RABGGTA: variants seen among roughly 807,000 people sequenced by gnomAD.
The protein encoded by RABGGTA is geranylgeranyl transferase type-2 subunit alpha.
In RABGGTA, 69 loss-of-function variants were observed where a neutral mutation model predicts 83.3. That is an observed-to-expected ratio of 0.83 (90% CI 0.68 to 1.01). The LOEUF (loss-of-function observed/expected upper bound fraction) is 1.01. Ranked by LOEUF, RABGGTA falls within the 50% of genes least tolerant of loss-of-function variation. The probability of loss-of-function intolerance (pLI) is 0.00; values close to 1 mark genes in which losing one functional copy is unlikely to be tolerated. For missense variants in RABGGTA, 681 were observed against 712.7 expected (o/e 0.96, Z 0.51); for synonymous variants, 310 against 299.8 (o/e 1.03, Z -0.35).
rs775697504 is a variant in RABGGTA at position 24,269,007 on chromosome 14, G to A, written c.716-14C>T. 2 of 1,579,790 alleles carry A rather than the reference G, an allele frequency of 1.3e-6. No individual in the cohort carries two copies. The highest frequency in any genetic ancestry group is 2.3e-5 in the East Asian group (1 of 43,542). On this transcript the variant is annotated splice_polypyrimidine_tract_variant and intron_variant, in intron 7 of 16. Transcript: ENST00000216840. ...CCTGGGGGTCAGCTGCGGGGAGACA[G>A]TGTCAGATTTCTTTAAACCCTCTCC...
At chr14:24,271,310 G>A (rs2040947968) in intron 1 of RABGGTA, 141 bp from the exon 2 acceptor site, 2 of 580,022 alleles carry the variant, frequency 3.4e-6, no homozygotes, top group Non-Finnish European at 5.5e-6. Context: ...TTCCACAAGA[G>A]GTGAGCACCC....
In RABGGTA at chr14:24,270,855, G is replaced by A. The variant is rs758803742; in HGVS notation, c.96C>T (p.Thr32=). 65 of 1,613,778 alleles carry A rather than the reference G, an allele frequency of 4.0e-5. No homozygotes were observed. The highest frequency in any genetic ancestry group is 5.3e-5 in the Non-Finnish European group (62 of 1,179,852). The change falls in exon 3 of 17, where the codon ACC becomes ACT. Residue 32 remains threonine, a synonymous_variant. Transcript: ENST00000216840. ...GCCCCACCTTCTGGAATACGGCCTG[G>A]GTGGCTGACTGGTATAGCTTCAGCT... ...EQKLKLYQSA[T]QAVFQKRQAG... is the part of the protein sequence containing the mutation.
chr14:24,267,439 A>T (rs2040887862), intron 14 of RABGGTA, among the ~76,000 whole-genome samples: 1 of 152,158 alleles, frequency 6.6e-6, no homozygotes, highest in South Asian at 2.1e-4. Context: ...GGGAAGAAAC[A>T]GCACAAGGAG....
At position 24,270,952 on chromosome 14, in the gene RABGGTA, A is replaced by C; in HGVS notation, c.4-5T>G. The C allele has an allele frequency of 1.2e-6, 2 of 1,613,526 alleles. No homozygotes were observed. Among genetic ancestry groups the C allele is most frequent in the Non-Finnish European group, 1.7e-6 (2 of 1,179,696 alleles). ...CTTCACCTTCAGGCGTCCGTGCTACAAGGATGAACGGGTTGGAAGAGTGCA... is the reference window on the plus strand; with the variant it reads ...CTTCACCTTCAGGCGTCCGTGCTACCAGGATGAACGGGTTGGAAGAGTGCA... On this transcript the variant is annotated splice_polypyrimidine_tract_variant and splice_region_variant and intron_variant, in intron 2 of 16. Transcript: ENST00000216840.
rs2040867253 is a variant in RABGGTA at position 24,265,859 on chromosome 14, G to A, written c.1556-96C>T. 2.1e-6 allele frequency: 3 copies of A among 1,458,362 alleles called. No individual in the cohort carries two copies. The South Asian group carries it at 4.2e-5, about 20-fold the overall frequency. The allele number at this position is 1,458,362 out of a possible 1,614,324, so 90.3% of individuals were successfully genotyped here. A position where few individuals can be genotyped will look rare whatever the true frequency, so the allele number is the denominator to read the frequency against. The stretch of plus-strand genomic sequence containing the variant: ...GCTGGGGACTGCTGCCTGGAAGTCT[G>A]TTTGATGGGCATCTCATATGCTCCC... On this transcript the variant is annotated intron_variant, in intron 16 of 16. Coordinates refer to ENST00000216840, the MANE Select transcript of RABGGTA (RefSeq NM_182836.3).
chr14:24,270,966 T>A lies in RABGGTA; in HGVS notation c.4-19A>T. 6.2e-7 allele frequency: 1 copy of A among 1,612,562 alleles called. No individual in the cohort carries two copies. On this transcript the variant is annotated intron_variant, in intron 2 of 16. Coordinates refer to ENST00000216840, the MANE Select transcript of RABGGTA (RefSeq NM_182836.3). ...GTCCGTGCTACAAGGATGAACGGGT[T>A]GGAAGAGTGCAGGTTGCCTTGCAGA...
At chr14:24,266,353 C>G (rs965229826) in intron 16 of RABGGTA, 77 bp downstream of exon 16, 1 of 1,366,666 alleles carries the variant, frequency 7.3e-7, no homozygotes, top group Non-Finnish European at 1.0e-6. Flanking sequence ...GGCACATACC[C>G]TGCCTGCTGT....
In RABGGTA at chr14:24,265,665, A is replaced by C. The variant is rs1233444110; in HGVS notation, c.1654T>G (p.Leu552Val). Residue 552 changes from leucine (L) to valine (V), a missense_variant, in exon 17 of 17, where the codon TTG (leucine) becomes GTG (valine). By Grantham distance (32) the Leu-to-Val change is conservative. Coordinates refer to ENST00000216840, the MANE Select transcript of RABGGTA (RefSeq NM_182836.3). ...GNPLCQAVGI[L>V]EQLAELLPSV... ...GGCAGCAGTTCAGCCAGTTGCTCCA[A>C]GATGCCCACCGCTTGGCACAGCGGG... The C allele has an allele frequency of 6.2e-7, 1 of 1,613,616 alleles. No homozygotes were observed. Among genetic ancestry groups the C allele is most frequent in the African/African-American group, 1.3e-5 (1 of 74,924 alleles).
At chr14:24,268,256 C>A in intron 11 of RABGGTA, 58 bp from the exon 12 acceptor site, 1 of 1,605,822 alleles carries the variant, frequency 6.2e-7, no homozygotes, top group Non-Finnish European at 8.5e-7. Flanking sequence ...CACTGGTCAA[C>A]ATTCCCAGTA....
At chr14:24,269,746 C>G in intron 5 of RABGGTA, 52 bp from the exon 6 acceptor site, 1 of 1,579,202 alleles carries the variant, frequency 6.3e-7, no homozygotes, top group Non-Finnish European at 8.7e-7. Context: ...GAGGAGCTAC[C>G]TGGCTGGGAC....
rs556099115 is a variant in RABGGTA at position 24,268,292 on chromosome 14, C to T, written c.1058+77G>A. 4 of 1,608,322 alleles carry T rather than the reference C, an allele frequency of 2.5e-6. No individual in the cohort carries two copies. In the Admixed American group the frequency reaches 5.0e-5, roughly 20 times the overall value. On this transcript the variant is annotated intron_variant, in intron 11 of 16. Coordinates refer to ENST00000216840, the MANE Select transcript of RABGGTA (RefSeq NM_182836.3). Reference sequence around the variant, plus strand: ...TCTAGACTGAAACAGCTCCTTGAGGCCCCAGCCTCCTGCCCTGGCTGCCTG... The same window carrying T: ...TCTAGACTGAAACAGCTCCTTGAGGTCCCAGCCTCCTGCCCTGGCTGCCTG...
At position 24,270,157 on chromosome 14, in the gene RABGGTA, AGGGG is replaced by A; in HGVS notation, c.240-21_240-18del. ...TCAGGAGACCTGTACCCAGAAGGGA[AGGGG>A]GGGGTCAGGGCTCTCCTACAGTCAA... On this transcript the variant is annotated intron_variant, in intron 4 of 16. Transcript: ENST00000216840. 6.3e-7 allele frequency: 1 copy of A among 1,588,862 alleles called. No homozygotes were observed.
rs1294228061 is a variant in RABGGTA, at chr14:24,265,736, G to A, written c.1583C>T (p.Pro528Leu). The A allele has an allele frequency of 5.6e-6, 9 of 1,611,606 alleles. No homozygotes were observed. Among genetic ancestry groups the A allele is most frequent in the Middle Eastern group, 3.4e-4 (2 of 5,858 alleles). ...NRLQQPAVLQ[P>L]LASCPRLVLL... is the part of the protein sequence containing the mutation. ...GACCAGCCTGGGGCAGGAGGCAAGAGGCTGGAGCACTGCAGGCTGCTGGAG... is the reference window on the plus strand; with the variant it reads ...GACCAGCCTGGGGCAGGAGGCAAGAAGCTGGAGCACTGCAGGCTGCTGGAG... Residue 528 changes from proline to leucine, a missense_variant, in exon 17 of 17, where the codon CCT becomes CTT. Transcript: ENST00000216840.
intron 15 of RABGGTA, 95 bp downstream of exon 15, chr14:24,266,681 G>C (rs2040877627): frequency 3.1e-6 from 4 of 1,285,264 alleles, no homozygotes; most frequent in Non-Finnish European, 4.5e-6. Flanking sequence ...GGGGTGGAGG[G>C]TCCTGCACAT....
chr14:24,270,348 C>A lies in RABGGTA; in HGVS notation c.225G>T (p.Gln75His), dbSNP rs766057450. The A allele has an allele frequency of 3.1e-6, 5 of 1,612,302 alleles. No homozygotes were observed. Among genetic ancestry groups the A allele is most frequent in the Non-Finnish European group, 3.4e-6 (4 of 1,179,148 alleles). Residue 75 changes from glutamine to histidine, a missense_variant, in exon 4 of 17, where the codon CAG becomes CAT. By Grantham distance (24) the Gln-to-His change is conservative (BLOSUM62 0). Coordinates refer to ENST00000216840, the MANE Select transcript of RABGGTA (RefSeq NM_182836.3). ...TCCCTACGCACTTCTGAGTCTCCAG[C>A]TGCTGGAGCACCTCTCGTCGGCAGT... ...LWNCRREVLQ[Q>H]LETQKSPEEL...
chr14:24,268,284 C>T (rs2040899182), intron 11 of RABGGTA, 85 bp downstream of exon 11: 8 of 1,608,088 alleles, frequency 5.0e-6, no homozygotes, highest in South Asian at 1.1e-5. Context: ...TGAAACAGCT[C>T]CTTGAGGCCC....
chr14:24,270,359 C>G lies in RABGGTA; in HGVS notation c.214G>C (p.Val72Leu). 1 of 1,612,496 alleles carries G rather than the reference C, an allele frequency of 6.2e-7. No homozygotes were observed. The highest frequency in any genetic ancestry group is 8.5e-7 in the Non-Finnish European group (1 of 1,179,242). ...TTCTGAGTCTCCAGCTGCTGGAGCA[C>G]CTCTCGTCGGCAGTTCCAGAGGGTG... is the stretch of plus-strand genomic sequence containing the variant. ...FATLWNCRRE[V>L]LQQLETQKSP... Residue 72 changes from valine to leucine, a missense_variant, in exon 4 of 17, where the codon GTG becomes CTG. Transcript: ENST00000216840.
At position 24,269,547 on chromosome 14, in the gene RABGGTA, T is replaced by C; in HGVS notation, c.575A>G (p.His192Arg). 1.2e-6 allele frequency: 2 copies of C among 1,610,084 alleles called. No homozygotes were observed. Among genetic ancestry groups the C allele is most frequent in the Non-Finnish European group, 1.7e-6 (2 of 1,176,600 alleles). ...HYRSCLLPQLHPQPDSGPQGR... is the reference protein window; with the variant it reads ...HYRSCLLPQLRPQPDSGPQGR... ...CTGTGGTCCAGAATCCGGCTGGGGG[T>C]GCAGCTGGGGCAAGAGACAGGAGCG... Residue 192 changes from histidine (H) to arginine (R), a missense_variant, in exon 6 of 17, where the codon CAC becomes CGC. Coordinates refer to ENST00000216840, the MANE Select transcript of RABGGTA (RefSeq NM_182836.3).
rs777973022 is a variant in RABGGTA, at chr14:24,269,534, A to G, written c.588T>C (p.Asp196=). 29 of 1,608,504 alleles carry G rather than the reference A, an allele frequency of 1.8e-5. No homozygotes were observed. ...CLLPQLHPQP[D]SGPQGRLPED... ...CAGGGAGGCGCCCCTGTGGTCCAGA[A>G]TCCGGCTGGGGGTGCAGCTGGGGCA... The change falls in exon 6 of 17, where the codon GAT becomes GAC. Residue 196 remains aspartate (D), a synonymous_variant. Transcript: ENST00000216840.
Sources: gnomAD v4.1 joint callset for allele counts (sites outside exome capture counted in the v4.1 genomes callset) on GRCh38, gnomAD v4.1.1 for gene constraint, MANE v1.5 for transcripts, NCBI Gene and HGNC (gene_info 2026-07-23, HGNC 2026-07-21) for gene names.